NXPH1: variants seen among roughly 807,000 people sequenced by gnomAD.
NXPH1 encodes the protein neurexophilin 1.
NXPH1 carries 5 observed loss-of-function variants against 23.7 expected under a neutral mutation model. That is an observed-to-expected ratio of 0.21 (90% confidence interval 0.11 to 0.44). The LOEUF is 0.44. Ranked by LOEUF, NXPH1 falls within the 20% of genes least tolerant of loss-of-function variation. The pLI is 0.99. For synonymous variants in NXPH1, 144 were observed against 122.2 expected, an observed-to-expected ratio of 1.18 and a Z score of -1.18; for missense variants, 324 against 321.6, an observed-to-expected ratio of 1.01 and a Z score of -0.06.
chr7:8,703,109 A>G (rs1470027199), intron 2 of NXPH1, among the ~76,000 whole-genome samples: 1 of 152,060 alleles, frequency 6.6e-6, no homozygotes, highest in Non-Finnish European at 1.5e-5. Context: ...TAGTAATTGA[A>G]GTTGAATGGA....
At chr7:8,747,116 T>C (rs555693656) in intron 2 of NXPH1, among the ~76,000 whole-genome samples, 4 of 152,246 alleles carry the variant, frequency 2.6e-5, no homozygotes, top group South Asian at 2.1e-4. Flanking sequence ...GTGAAGAAGA[T>C]TGATATTATT....
At chr7:8,476,615 TC>T (rs1358089979) in intron 2 of NXPH1, among the ~76,000 whole-genome samples, 1 of 152,104 alleles carries the variant, frequency 6.6e-6, no homozygotes, top group Non-Finnish European at 1.5e-5. Context: ...ACCTTCCTGA[TC>T]TGACATCCTT....
intron 2 of NXPH1, among the ~76,000 whole-genome samples, chr7:8,537,016 G>T (rs776549866): frequency 1.3e-5 from 2 of 151,818 alleles, no homozygotes; most frequent in Non-Finnish European, 2.9e-5. Flanking sequence ...CTATGTTCTG[G>T]GCTAAGACTA....
intron 2 of NXPH1, among the ~76,000 whole-genome samples, chr7:8,630,318 G>T (rs1269224821): frequency 2.6e-5 from 4 of 152,156 alleles, no homozygotes; most frequent in African/African-American, 7.2e-5. Flanking sequence ...AATTAAAACT[G>T]TACAGTGTTT....
chr7:8,573,654 G>T (rs749666224), intron 2 of NXPH1, among the ~76,000 whole-genome samples: 1 of 152,086 alleles, frequency 6.6e-6, no homozygotes, highest in Admixed American at 6.6e-5. Flanking sequence ...CTTTCTTTTT[G>T]CAGGGAGTTG....
At chr7:8,616,486 A>G (rs2115117842) in intron 2 of NXPH1, among the ~76,000 whole-genome samples, 1 of 152,184 alleles carries the variant, frequency 6.6e-6, no homozygotes, top group East Asian at 1.9e-4. Context: ...TCATGGGATC[A>G]GGAGGTTATG....
intron 2 of NXPH1, among the ~76,000 whole-genome samples, chr7:8,508,983 C>T (rs1395303652): frequency 4.6e-5 from 7 of 151,978 alleles, no homozygotes; most frequent in East Asian, 3.9e-4. Context: ...TCCAAACAAG[C>T]GATATTCGTA....
At chr7:8,473,511 A>C (rs1028596031) in intron 2 of NXPH1, among the ~76,000 whole-genome samples, 1 of 152,106 alleles carries the variant, frequency 6.6e-6, no homozygotes, top group East Asian at 1.9e-4. Context: ...CACCTACTTA[A>C]ATAATTGCTC....
chr7:8,660,506 T>C (rs1314823262), intron 2 of NXPH1, among the ~76,000 whole-genome samples: 1 of 152,224 alleles, frequency 6.6e-6, no homozygotes, highest in African/African-American at 2.4e-5. Flanking sequence ...CTATGAATTT[T>C]AAAGATTGCA....
chr7:8,534,005 G>C (rs1584216998), intron 2 of NXPH1, among the ~76,000 whole-genome samples: 1 of 152,018 alleles, frequency 6.6e-6, no homozygotes, highest in East Asian at 1.9e-4. Context: ...TTTTAATTTT[G>C]ACCAAATGTT....
At chr7:8,500,842 C>G (rs1336356875) in intron 2 of NXPH1, among the ~76,000 whole-genome samples, 1 of 152,048 alleles carries the variant, frequency 6.6e-6, no homozygotes, top group Non-Finnish European at 1.5e-5. Flanking sequence ...TTGGTCCTCC[C>G]ATTTTTCAGA....
intron 2 of NXPH1, among the ~76,000 whole-genome samples, chr7:8,738,071 G>A (rs181626556): frequency 4.7e-4 from 72 of 152,222 alleles, no homozygotes; most frequent in Non-Finnish European, 8.7e-4. Flanking sequence ...CTTGCATTGG[G>A]TTAGAACATG....
chr7:8,615,645 T>C (rs1426870284), intron 2 of NXPH1, among the ~76,000 whole-genome samples: 1 of 152,102 alleles, frequency 6.6e-6, no homozygotes, highest in Non-Finnish European at 1.5e-5. Context: ...CTCCCTTCCC[T>C]CTTTCCTTCT....
At chr7:8,740,807 G>T (rs897339218) in intron 2 of NXPH1, among the ~76,000 whole-genome samples, 3 of 151,840 alleles carry the variant, frequency 2.0e-5, no homozygotes, top group Admixed American at 6.6e-5. Context: ...CTTATAATGT[G>T]ATGTTTTGAT....
At chr7:8,447,764 G>A (rs1395779776) in intron 2 of NXPH1, among the ~76,000 whole-genome samples, 2 of 152,216 alleles carry the variant, frequency 1.3e-5, no homozygotes, top group Non-Finnish European at 2.9e-5. Context: ...ACATTAATAT[G>A]TGGCCAGATG....
At chr7:8,510,174 A>G (rs2128613830) in intron 2 of NXPH1, among the ~76,000 whole-genome samples, 1 of 152,264 alleles carries the variant, frequency 6.6e-6, no homozygotes, top group East Asian at 1.9e-4. Context: ...CAGGTGTGAC[A>G]AAGGGTGCCT....
At chr7:8,600,897 GT>G (rs1420438406) in intron 2 of NXPH1, among the ~76,000 whole-genome samples, 2 of 151,458 alleles carry the variant, frequency 1.3e-5, no homozygotes, top group Non-Finnish European at 2.9e-5. Context: ...ATTAAAAAAA[GT>G]TATGTCTGTA....
At chr7:8,616,626 T>G (rs569175769) in intron 2 of NXPH1, among the ~76,000 whole-genome samples, 1 of 151,824 alleles carries the variant, frequency 6.6e-6, no homozygotes. Context: ...GCGAAGCATA[T>G]GTAAGGGCCC....
At chr7:8,686,060 CA>C (rs1821142009) in intron 2 of NXPH1, among the ~76,000 whole-genome samples, 1 of 151,806 alleles carries the variant, frequency 6.6e-6, no homozygotes, top group Non-Finnish European at 1.5e-5. Context: ...TATATACCCA[CA>C]AAAATTAATT....
Sources: allele counts gnomAD v4.1 joint callset (sites outside exome capture counted in the v4.1 genomes callset), GRCh38; gene constraint gnomAD v4.1.1; transcripts MANE v1.5; gene names NCBI Gene and HGNC (gene_info 2026-07-23, HGNC 2026-07-21).